ZNF385D: variants seen among roughly 807,000 people sequenced by gnomAD.
ZNF385D encodes the protein zinc finger protein 385D.
In ZNF385D, 15 loss-of-function variants were observed where a neutral mutation model predicts 35.8. That is an observed-to-expected ratio of 0.42 (90% CI 0.28 to 0.64). ZNF385D has a LOEUF of 0.64. ZNF385D is among the 30% of genes least tolerant of loss of function. The pLI, the probability that ZNF385D is intolerant of heterozygous loss-of-function variation, is 0.23. For missense variants in ZNF385D, 474 were observed against 494.6 expected, an observed-to-expected ratio of 0.96 and a Z score of 0.39; for synonymous variants, 212 against 186.8, an observed-to-expected ratio of 1.13 and a Z score of -1.10.
At chr3:21,808,854 C>T (rs149105989) in intron 3 of ZNF385D, among the ~76,000 whole-genome samples, 1 of 152,302 alleles carries the variant, frequency 6.6e-6, no homozygotes, top group East Asian at 1.9e-4. Context: ...GCTTAAGTCT[C>T]AGATTGACCT....
intron 2 of ZNF385D, among the ~76,000 whole-genome samples, chr3:21,567,943 ATTAAG>A (rs2063206616): frequency 6.6e-6 from 1 of 152,112 alleles, no homozygotes; most frequent in Non-Finnish European, 1.5e-5. Flanking sequence ...TAGTCTTTAG[ATTAAG>A]TTATTTTGTT....
At chr3:22,233,180 A>T (rs1159539659) in intron 2 of ZNF385D, among the ~76,000 whole-genome samples, 1 of 108,536 alleles carries the variant, frequency 9.2e-6, no homozygotes, top group Non-Finnish European at 2.0e-5. Context: ...AAATCTATGT[A>T]TTATTATAGC....
chr3:22,203,970 C>T (rs147426203), intron 2 of ZNF385D, among the ~76,000 whole-genome samples: 1 of 151,932 alleles, frequency 6.6e-6, no homozygotes, highest in Non-Finnish European at 1.5e-5. Context: ...GATTATGGAG[C>T]CTTAGGGCTC....
intron 2 of ZNF385D, among the ~76,000 whole-genome samples, chr3:22,213,960 G>C (rs1421358845): frequency 3.3e-5 from 5 of 152,016 alleles, no homozygotes; most frequent in Admixed American, 3.3e-4. Context: ...TTTCCAATTA[G>C]TAAAGACCTA....
At chr3:21,749,475 A>C (rs1429614448) in intron 1 of ZNF385D, among the ~76,000 whole-genome samples, 1 of 152,204 alleles carries the variant, frequency 6.6e-6, no homozygotes, top group African/African-American at 2.4e-5. Context: ...CTGATGCTGA[A>C]ATTGTATTTT....
rs866236315 is a variant in ZNF385D at position 22,047,812 on chromosome 3, G to C, written c.325+121005C>G. Among the ~76,000 whole-genome samples, 7 of 152,084 alleles carry C rather than the reference G, an allele frequency of 4.6e-5. No individual in the cohort carries two copies. In the South Asian group the frequency reaches 1.5e-3, roughly 32 times the overall value. ...GATAATTCTATTTTTAATTTTTTGA[G>C]GAATTTTCATACTGTTTTCCATAAT... On this transcript the variant is annotated intron_variant, in intron 3 of 5. Coordinates refer to the ZNF385D transcript ENST00000494108.
rs183039836 is a variant in ZNF385D, at chr3:21,735,108, A to T, written c.22+15787T>A. On this transcript the variant is annotated intron_variant, in intron 1 of 7. Coordinates refer to ENST00000281523, the MANE Select transcript of ZNF385D (RefSeq NM_024697.3). ...GAGTGCAGAGATCTACCCACATTCA[A>T]TCCTAATGCAAATAATGGCAGGCTG... Among the ~76,000 whole-genome samples the T allele has an allele frequency of 3.9e-5, 6 of 152,314 alleles. No individual in the cohort carries two copies. In the East Asian group the frequency reaches 1.2e-3, roughly 29 times the overall value.
intron 3 of ZNF385D, among the ~76,000 whole-genome samples, chr3:21,963,323 G>C (rs1702702122): frequency 6.6e-6 from 1 of 152,140 alleles, no homozygotes; most frequent in Non-Finnish European, 1.5e-5. Context: ...CAGTGGCCAG[G>C]AGAAGGATGA....
chr3:21,710,055 A>G (rs1283627874), intron 1 of ZNF385D, among the ~76,000 whole-genome samples: 1 of 152,206 alleles, frequency 6.6e-6, no homozygotes, highest in Non-Finnish European at 1.5e-5. Context: ...TACATACTCT[A>G]TCATGGCTTC....
At chr3:21,436,727 C>A (rs1701570112) in intron 5 of ZNF385D, 2 of 421,466 alleles carry the variant, frequency 4.7e-6, no homozygotes, top group Non-Finnish European at 4.2e-6. Context: ...TTCATTTTAT[C>A]TCCTAATGTT....
chr3:22,005,432 C>T (rs1025130671), intron 3 of ZNF385D, among the ~76,000 whole-genome samples: 27 of 151,896 alleles, frequency 1.8e-4, no homozygotes, highest in Non-Finnish European at 2.5e-4. Context: ...TCAGTAGTGT[C>T]GCAGGGTAAC....
At chr3:22,330,152 A>T (rs941659531) in intron 2 of ZNF385D, among the ~76,000 whole-genome samples, 5 of 152,132 alleles carry the variant, frequency 3.3e-5, no homozygotes, top group African/African-American at 1.2e-4. Flanking sequence ...TTATTCTCAA[A>T]ATTTCTCACT....
intron 2 of ZNF385D, among the ~76,000 whole-genome samples, chr3:22,366,218 A>T (rs1696649715): frequency 1.3e-5 from 2 of 152,044 alleles, no homozygotes; most frequent in South Asian, 4.1e-4. Flanking sequence ...TAAAATGCTG[A>T]GGTTAAACAT....
chr3:22,275,616 A>C (rs546370042), intron 2 of ZNF385D, among the ~76,000 whole-genome samples: 1 of 152,272 alleles, frequency 6.6e-6, no homozygotes, highest in Non-Finnish European at 1.5e-5. Flanking sequence ...ATCATATTTC[A>C]ATTTTAGTAA....
chr3:21,531,533 GAAAC>G (rs1340351819), intron 3 of ZNF385D, among the ~76,000 whole-genome samples: 1 of 152,060 alleles, frequency 6.6e-6, no homozygotes, highest in Admixed American at 6.6e-5. Flanking sequence ...TTTGAATAGA[GAAAC>G]AAACTGTTAC....
At chr3:21,430,920 G>A (rs757000734) in intron 5 of ZNF385D, 12 of 152,082 alleles carry the variant, frequency 7.9e-5, no homozygotes, top group Non-Finnish European at 1.8e-4. Context: ...CAGTGCTTTT[G>A]TTTGCATTTT....
At chr3:21,446,763 G>A (rs1365120345) in intron 4 of ZNF385D, among the ~76,000 whole-genome samples, 2 of 150,786 alleles carry the variant, frequency 1.3e-5, no homozygotes, top group Admixed American at 6.7e-5. Context: ...AAAGTGCTGG[G>A]ATTACAAGCG....
rs1295443387 is a variant in ZNF385D at position 21,566,973 on chromosome 3, T to TA, written c.166-2290_166-2289insT. On this transcript the variant is annotated intron_variant, in intron 2 of 7. Coordinates refer to ENST00000281523, the MANE Select transcript of ZNF385D (RefSeq NM_024697.3). ...TATGTGGTGATTTGTGTCTGGAATC[T>TA]TTCATTCAATACAATGGTGCTCAGA... Among the ~76,000 whole-genome samples, 22 of 152,288 alleles carry TA rather than the reference T, an allele frequency of 1.4e-4. No individual in the cohort carries two copies. In the East Asian group the frequency reaches 1.9e-3, roughly 13 times the overall value.
At chr3:22,261,088 TATCTATCC>T (rs1335777175) in intron 2 of ZNF385D, among the ~76,000 whole-genome samples, 1 of 135,052 alleles carries the variant, frequency 7.4e-6, no homozygotes, top group Non-Finnish European at 1.6e-5. Flanking sequence ...TGCCTACAAC[TATCTATCC>T]ATCCATCCAT....
Sources: gnomAD v4.1 joint callset for allele counts (sites outside exome capture counted in the v4.1 genomes callset) on GRCh38, gnomAD v4.1.1 for gene constraint, MANE v1.5 for transcripts, NCBI Gene and HGNC (gene_info 2026-07-23, HGNC 2026-07-21) for gene names.